HCFC1: variants seen among roughly 807,000 people sequenced by gnomAD.
HCFC1 encodes the protein host cell factor C1, also known as host cell factor 1.
HCFC1 carries 7 observed loss-of-function variants against 105.5 expected under a neutral mutation model. That is an observed-to-expected ratio of 0.07 (90% confidence interval 0.04 to 0.12). The LOEUF is 0.12. HCFC1 is among the 10% of genes least tolerant of loss of function. The pLI, the probability that HCFC1 is intolerant of heterozygous loss-of-function variation, is 1.00. For missense variants in HCFC1, 1,065 were observed against 1,823.6 expected, an observed-to-expected ratio of 0.58 and a Z score of 7.58; for synonymous variants, 918 against 828.1, an observed-to-expected ratio of 1.11 and a Z score of -1.86.
Position 153,955,136 on chromosome X carries a change from G to C in HCFC1, c.3263C>G (p.Thr1088Ser), listed in dbSNP as rs1396998199. 1.7e-6 allele frequency: 2 copies of C among 1,209,840 alleles called. No homozygotes were observed. Among genetic ancestry groups the C allele is most frequent in the African/African-American group, 3.5e-5 (2 of 57,135 alleles). Reference protein sequence around the residue: ...PPCETHETGTTNTATTATSNM... With the variant: ...PPCETHETGTSNTATTATSNM... ...GGAGGTGGCGGTGGTGGCGGTGTTG[G>C]TGGTGCCCGTCTCGTGGGTCTCGCA... Residue 1088 changes from threonine to serine, a missense_variant, in exon 17 of 26, where the codon ACC (threonine) becomes AGC (serine). Thr to Ser is a moderately conservative substitution (Grantham distance 58, BLOSUM62 1). This residue lies in a region of HCFC1 where 546 missense variants were observed against 599.9 expected (regional missense o/e 0.91). Coordinates refer to ENST00000310441, the MANE Select transcript of HCFC1 (RefSeq NM_005334.3).
chrX:153,949,745 G>T (rs782324632), intron 24 of HCFC1, 129 bp from the exon 25 acceptor site: 6 of 584,978 alleles, frequency 1.0e-5, no homozygotes, highest in Non-Finnish European at 1.4e-5. Flanking sequence ...AGGGTGGGGC[G>T]CCTGCCCTAT....
At chrX:153,951,114 C>T in intron 22 of HCFC1, 116 bp from the exon 23 acceptor site, 1 of 787,922 alleles carries the variant, frequency 1.3e-6, no homozygotes, top group Admixed American at 2.6e-5. Flanking sequence ...TCAGCGGTGG[C>T]TGGCCCCTCA....
chrX:153,958,231 G>A lies in HCFC1; in HGVS notation c.1822C>T (p.Arg608Cys), dbSNP rs2065396580. 2 of 1,209,686 alleles carry A rather than the reference G, an allele frequency of 1.7e-6. No homozygotes were observed. Among genetic ancestry groups the A allele is most frequent in the Non-Finnish European group, 2.2e-6 (2 of 893,397 alleles). The change falls in exon 11 of 26, where the codon CGC becomes TGC. Residue 608 changes from arginine (R) to cysteine (C), a missense_variant. Physicochemically the swap from Arg to Cys is radical, Grantham distance 180. Transcript: ENST00000310441. ...SPVMVSNPAT[R>C]MLKTAAAQVG... Reference sequence around the variant, plus strand: ...TGGGCGGCTGCAGTCTTCAGCATGCGAGTGGCAGGGTTGCTCACCTGGAGG... The same window carrying A: ...TGGGCGGCTGCAGTCTTCAGCATGCAAGTGGCAGGGTTGCTCACCTGGAGG...
rs1030627840 is a variant in HCFC1 at position 153,952,916 on chromosome X, G to A, written c.4540C>T (p.Leu1514=). The change falls in exon 19 of 26, where the codon CTG becomes TTG. Residue 1514 remains leucine, a synonymous_variant. Coordinates refer to ENST00000310441, the MANE Select transcript of HCFC1 (RefSeq NM_005334.3). ...LQVSPGPRQQ[L]PPRQLLQSAS... ...GACTGCAGAAGCTGCCGTGGCGGCA[G>A]CTGCTGGCGAGGACCTGGCGACACC... The A allele has an allele frequency of 1.7e-6, 2 of 1,178,718 alleles. No homozygotes were observed. The highest frequency in any genetic ancestry group is 2.4e-5 in the Admixed American group (1 of 41,030).
Position 153,950,040 on chromosome X carries a change from G to C in HCFC1, c.6004+203C>G, listed in dbSNP as rs782522387. On this transcript the variant is annotated intron_variant, in intron 24 of 25. Coordinates refer to ENST00000310441, the MANE Select transcript of HCFC1 (RefSeq NM_005334.3). Reference sequence around the variant, plus strand: ...CTGCTTGTCCCCTCAAACATCCTGGGGTGGCGTCCCCTGCACCCCCAGGCC... The same window carrying C: ...CTGCTTGTCCCCTCAAACATCCTGGCGTGGCGTCCCCTGCACCCCCAGGCC... Among the ~76,000 whole-genome samples, 7 of 111,712 alleles carry C rather than the reference G, an allele frequency of 6.3e-5. No homozygotes were observed. In the East Asian group the frequency reaches 1.4e-3, roughly 23 times the overall value.
chrX:153,957,925 C>T lies in HCFC1; in HGVS notation c.2029-39G>A, dbSNP rs782395842. The T allele has an allele frequency of 3.8e-5, 44 of 1,163,071 alleles. No homozygotes were observed. In the South Asian group the frequency reaches 7.7e-4, roughly 20 times the overall value. ...GATGGAGCAAGGAGTGATCTGGAAA[C>T]CAAACAAGGGCATGGCCTGGCTGAG... On this transcript the variant is annotated intron_variant, in intron 11 of 25. Coordinates refer to ENST00000310441, the MANE Select transcript of HCFC1 (RefSeq NM_005334.3).
rs1471179332 is a variant in HCFC1, at chrX:153,954,916, G to A, written c.3483C>T (p.Gly1161=). 7.7e-6 allele frequency: 9 copies of A among 1,176,157 alleles called. No individual in the cohort carries two copies. The highest frequency in any genetic ancestry group is 9.1e-6 in the Non-Finnish European group (8 of 880,697). The change falls in exon 17 of 26, where the codon GGC becomes GGT. Residue 1161 remains glycine (G), a synonymous_variant. Transcript: ENST00000310441. Reference sequence around the variant, plus strand: ...GGCGGGTTTGGCACTGGGACTTAGAGCCCTGGGCTGCCTCCAGCGCCCCAG... The same window carrying A: ...GGCGGGTTTGGCACTGGGACTTAGAACCCTGGGCTGCCTCCAGCGCCCCAG... ...VATGALEAAQ[G]SKSQCQTRQT...
intron 1 of HCFC1, among the ~76,000 whole-genome samples, chrX:153,967,461 G>A (rs1557118631): frequency 8.9e-6 from 1 of 112,161 alleles, no homozygotes; most frequent in African/African-American, 3.2e-5. Flanking sequence ...CATGCAGTGA[G>A]GTGGCCGGTC....
At chrX:153,954,001 T>C (rs782100167) in intron 17 of HCFC1, 65 bp downstream of exon 17, 7 of 1,112,666 alleles carry the variant, frequency 6.3e-6, no homozygotes, top group South Asian at 6.1e-5. Flanking sequence ...CCGCCATCGT[T>C]GTCTTGGCCT....
rs1312246743 is a variant in HCFC1, at chrX:153,971,765, A to C, written c.-925T>G. ...CGAAGCGGCAACTGTACGGCAGAAG[A>C]AGCGGTAACGGCAGGGCGCTCATGC... On this transcript the variant is annotated 5_prime_UTR_variant, in exon 1 of 26. Coordinates refer to ENST00000310441, the MANE Select transcript of HCFC1 (RefSeq NM_005334.3). 3.0e-5 allele frequency: 9 copies of C among 296,553 alleles called. No homozygotes were observed. In the South Asian group the frequency reaches 1.2e-3, roughly 39 times the overall value. The allele number at this position is 296,553 out of a possible 1,213,427, so 24.4% of individuals were successfully genotyped here.
In HCFC1 at chrX:153,951,371, T is replaced by C. The variant is rs376756703; in HGVS notation, c.5496A>G (p.Pro1832=). ...NVMVTHYFLP[P]DDAVPSDDDL... ...TTACGTCTGATGGGACAGCATCATC[T>C]GGTGGCAGGAAATAGTGTGTCACCA... Residue 1832 remains proline (P), a synonymous_variant, in exon 22 of 26, where the codon CCA becomes CCG. Coordinates refer to ENST00000310441, the MANE Select transcript of HCFC1 (RefSeq NM_005334.3). The C allele has an allele frequency of 9.2e-5, 111 of 1,209,869 alleles. 1 individual carries two copies. In the African/African-American group the frequency reaches 1.7e-3, roughly 18 times the overall value.
At chrX:153,959,084 G>A (rs781876833) in intron 9 of HCFC1, among the ~76,000 whole-genome samples, 2 of 113,163 alleles carry the variant, frequency 1.8e-5, no homozygotes, top group South Asian at 3.6e-4. Flanking sequence ...CTCTCAGGCT[G>A]CAGGACAAGA....
At chrX:153,968,795 G>A (rs895455330) in intron 1 of HCFC1, among the ~76,000 whole-genome samples, 4 of 112,899 alleles carry the variant, frequency 3.5e-5, no homozygotes, top group Non-Finnish European at 7.5e-5. Flanking sequence ...GCCTGCTCCA[G>A]GCCTTATGAG....
Position 153,955,000 on chromosome X carries a change from T to C in HCFC1, c.3399A>G (p.Arg1133=), listed in dbSNP as rs782522290. The C allele has an allele frequency of 4.5e-5, 54 of 1,206,473 alleles. No homozygotes were observed. In the South Asian group the frequency reaches 7.8e-4, roughly 17 times the overall value. The change falls in exon 17 of 26, where the codon CGA becomes CGG. Residue 1133 remains arginine (R), a synonymous_variant. Transcript: ENST00000310441. ...CAGCTGCACAGGCCCGACGGGCATC[T>C]CGCTGGTGGTTGGCGCCGACGCTCG... ...AMSSVGANHQ[R]DARRACAAGT...
In HCFC1 at chrX:153,952,775, A is replaced by C. The variant is rs1436893267; in HGVS notation, c.4681T>G (p.Ser1561Ala). The C allele has an allele frequency of 8.3e-7, 1 of 1,206,682 alleles. No individual in the cohort carries two copies. Among genetic ancestry groups the C allele is most frequent in the African/African-American group, 1.7e-5 (1 of 57,429 alleles). ...GTGGCCACCACCGCAGAGCCGGCAG[A>C]CTCCTGGCCCGAAGATGGCTCCCCT... ...STGEPSSGQE[S>A]AGSAVVATVV... Residue 1561 changes from serine to alanine, a missense_variant, in exon 19 of 26, where the codon TCT becomes GCT. By Grantham distance (99) the Ser-to-Ala change is moderately conservative. This residue lies in a region of HCFC1 where 546 missense variants were observed against 599.9 expected (regional missense o/e 0.91). Transcript: ENST00000310441.
chrX:153,968,522 C>T (rs1373799169), intron 1 of HCFC1, among the ~76,000 whole-genome samples: 3 of 112,319 alleles, frequency 2.7e-5, no homozygotes, highest in Non-Finnish European at 3.8e-5. Context: ...GAGGAATTGC[C>T]GATGACAGTT....
chrX:153,964,097 G>A, intron 3 of HCFC1, 27 bp downstream of exon 3: 1 of 1,172,930 alleles, frequency 8.5e-7, no homozygotes, highest in South Asian at 1.9e-5. Flanking sequence ...CACCCGGGGG[G>A]TTCCAGAGAA....
rs1557116360 is a variant in HCFC1 at position 153,960,126 on chromosome X, G to A, written c.1120C>T (p.Arg374Cys). 3 of 1,210,195 alleles carry A rather than the reference G, an allele frequency of 2.5e-6. No individual in the cohort carries two copies. Among genetic ancestry groups the A allele is most frequent in the Non-Finnish European group, 2.2e-6 (2 of 894,458 alleles). The change falls in exon 8 of 26, where the codon CGC becomes TGC. Residue 374 changes from arginine (R) to cysteine (C), a missense_variant. Transcript: ENST00000310441. Reference protein sequence around the residue: ...PPPPARVQLVRANTNSLEVSW... With the variant: ...PPPPARVQLVCANTNSLEVSW... Reference sequence around the variant, plus strand: ...ACCTCCAGGGAGTTGGTGTTGGCGCGTACCAGTTGTACTCGGGCTGGGGGT... The same window carrying A: ...ACCTCCAGGGAGTTGGTGTTGGCGCATACCAGTTGTACTCGGGCTGGGGGT...
chrX:153,954,110 G>A lies in HCFC1; in HGVS notation c.4289C>T (p.Thr1430Ile), dbSNP rs782130659. ...PPCETHETGT[T>I]HTATTVTSNM... Reference sequence around the variant, plus strand: ...GGAAGTGACAGTGGTGGCCGTGTGAGTGGTGCCCGTCTCGTGGGTCTCACA... The same window carrying A: ...GGAAGTGACAGTGGTGGCCGTGTGAATGGTGCCCGTCTCGTGGGTCTCACA... The change falls in exon 17 of 26, where the codon ACT (threonine) becomes ATT (isoleucine). Residue 1430 changes from threonine to isoleucine, a missense_variant. Thr to Ile is a moderately conservative substitution (Grantham distance 89, BLOSUM62 -1). Transcript: ENST00000310441. 8.3e-7 allele frequency: 1 copy of A among 1,209,691 alleles called. No homozygotes were observed. The highest frequency in any genetic ancestry group is 1.1e-6 in the Non-Finnish European group (1 of 894,043).
Sources: gnomAD v4.1 joint callset for allele counts (sites outside exome capture counted in the v4.1 genomes callset) on GRCh38, gnomAD v4.1.1 for gene constraint, gnomAD v4.1.1 regional missense constraint, MANE v1.5 for transcripts, NCBI Gene and HGNC (gene_info 2026-07-23, HGNC 2026-07-21) for gene names.